The following ADCY1 variants were observed in gnomAD, a reference collection of about 807,000 sequenced individuals.
ADCY1 encodes adenylate cyclase 1, also known as adenylate cyclase type 1.
Under a neutral mutation model 105.4 loss-of-function variants are expected in ADCY1, and 28 were observed. The observed-to-expected ratio is 0.27, with a 90% CI of 0.20 to 0.36. The LOEUF is 0.36. Ranked by LOEUF, ADCY1 falls within the 10% of genes least tolerant of loss-of-function variation. The pLI is 1.00. For synonymous variants in ADCY1, 655 were observed against 623.8 expected, an observed-to-expected ratio of 1.05 and a Z score of -0.75; for missense variants, 977 against 1,434.2, an observed-to-expected ratio of 0.68 and a Z score of 5.15.
In ADCY1 at chr7:45,626,261, G is replaced by A. The variant is rs138556056; in HGVS notation, c.1020+3518G>A. 1.7e-3 allele frequency among the ~76,000 whole-genome samples: 260 copies of A among 152,328 alleles called. 1 individual carries two copies. Among genetic ancestry groups the A allele is most frequent in the African/African-American group, 5.5e-3 (230 of 41,584 alleles). On this transcript the variant is annotated intron_variant, in intron 4 of 19. Transcript: ENST00000297323. Reference sequence around the variant, plus strand: ...AAACAAGGAGTGGTCCACGGCCTCAGCGTGCCAGCCTCTGCTCTAAACCGT... The same window carrying A: ...AAACAAGGAGTGGTCCACGGCCTCAACGTGCCAGCCTCTGCTCTAAACCGT...
At chr7:45,622,242 C>G (rs570819990) in intron 3 of ADCY1, among the ~76,000 whole-genome samples, 42 of 152,186 alleles carry the variant, frequency 2.8e-4, no homozygotes, top group African/African-American at 8.9e-4. Flanking sequence ...GTGGAGGGGC[C>G]CACATGCTGA....
chr7:45,574,777 C>T lies in ADCY1; in HGVS notation c.234C>T (p.Ala78=). The change falls in exon 1 of 20, where the codon GCC becomes GCT. Residue 78 remains alanine (A), a synonymous_variant. Coordinates refer to ENST00000297323, the MANE Select transcript of ADCY1 (RefSeq NM_021116.4). This position sits in a 1 kb window ranked among gnomAD's most constrained non-coding sequence, Gnocchi z 7.0. ...LSLLAGALAL[A]ELLGAPGPAP... ...TGCTGGCGGGCGCGCTGGCGCTGGC[C>T]GAGCTGCTGGGCGCGCCGGGGCCCG... 6.7e-7 allele frequency: 1 copy of T among 1,493,620 alleles called. No individual in the cohort carries two copies. Among genetic ancestry groups the T allele is most frequent in the Non-Finnish European group, 8.9e-7 (1 of 1,128,606 alleles). The allele number at this position is 1,493,620 out of a possible 1,614,324, so 92.5% of individuals were successfully genotyped here.
intron 1 of ADCY1, among the ~76,000 whole-genome samples, chr7:45,583,977 T>C (rs1257300629): frequency 7.3e-6 from 1 of 136,702 alleles, no homozygotes; most frequent in Admixed American, 7.5e-5. Flanking sequence ...AGACAAAGTC[T>C]CTTTCTGTAG....
intron 3 of ADCY1, among the ~76,000 whole-genome samples, chr7:45,619,447 A>G (rs1793830539): frequency 6.6e-6 from 1 of 152,206 alleles, no homozygotes; most frequent in South Asian, 2.1e-4. Context: ...TGCATGTTGT[A>G]TACATATATT....
Position 45,710,493 on chromosome 7 carries a change from C to T in ADCY1, c.2933-35C>T, listed in dbSNP as rs777821706. 19 of 1,605,286 alleles carry T rather than the reference C, an allele frequency of 1.2e-5. No individual in the cohort carries two copies. Among genetic ancestry groups the T allele is most frequent in the Non-Finnish European group, 1.4e-5 (17 of 1,175,484 alleles). On this transcript the variant is annotated intron_variant, in intron 18 of 19. Transcript: ENST00000297323. This position sits in a 1 kb window ranked among gnomAD's most constrained non-coding sequence, Gnocchi z 4.7. ...CTGGTGGGGTGAGTTACACTTTTCC[C>T]GCTGATGACAGGTCATGCGCTGGCT...
chr7:45,711,236 C>G (rs922669751), intron 19 of ADCY1, among the ~76,000 whole-genome samples: 1 of 152,206 alleles, frequency 6.6e-6, no homozygotes, highest in African/African-American at 2.4e-5. Flanking sequence ...GGATGAAGCC[C>G]TTAAAACTAA....
intron 2 of ADCY1, among the ~76,000 whole-genome samples, chr7:45,593,544 G>A (rs1023259216): frequency 4.6e-5 from 7 of 152,180 alleles, no homozygotes; most frequent in African/African-American, 9.7e-5. Flanking sequence ...TGTCTGCTGC[G>A]CGGGGCCTGT....
intron 10 of ADCY1, among the ~76,000 whole-genome samples, chr7:45,679,491 C>T (rs921580305): frequency 6.6e-6 from 1 of 152,134 alleles, no homozygotes; most frequent in African/African-American, 2.4e-5. Flanking sequence ...TCAGGAGGGG[C>T]CCCCTTCTTA....
chr7:45,691,059 C>T (rs1382415939), intron 14 of ADCY1, among the ~76,000 whole-genome samples: 4 of 152,200 alleles, frequency 2.6e-5, no homozygotes. Context: ...TTGAGGGACA[C>T]TTCTGGGAGA....
chr7:45,703,567 T>A lies in ADCY1; in HGVS notation c.2572-33T>A. On this transcript the variant is annotated intron_variant, in intron 15 of 19. Transcript: ENST00000297323. The surrounding 1 kb of genome is among the most constrained non-coding windows in gnomAD (Gnocchi z 5.9). Reference sequence around the variant, plus strand: ...CCACCCCACTTGGCGCTCACCTGGCTGACCCTTCCTGACCCATCCTTTGAA... The same window carrying A: ...CCACCCCACTTGGCGCTCACCTGGCAGACCCTTCCTGACCCATCCTTTGAA... The A allele has an allele frequency of 6.2e-7, 1 of 1,610,274 alleles. No homozygotes were observed. Among genetic ancestry groups the A allele is most frequent in the East Asian group, 2.2e-5 (1 of 44,752 alleles).
chr7:45,644,909 G>C (rs1794619172), intron 4 of ADCY1, among the ~76,000 whole-genome samples: 1 of 152,186 alleles, frequency 6.6e-6, no homozygotes, highest in Non-Finnish European at 1.5e-5. Context: ...ACTAGTGCCA[G>C]CGTGGTGGAG....
At chr7:45,615,203 T>G (rs1371045784) in intron 3 of ADCY1, among the ~76,000 whole-genome samples, 4 of 152,166 alleles carry the variant, frequency 2.6e-5, no homozygotes, top group African/African-American at 9.7e-5. Context: ...AATTAGAAAT[T>G]AATGGCAGAA....
chr7:45,664,598 TC>T, intron 8 of ADCY1: 1 of 1,069,364 alleles, frequency 9.4e-7, no homozygotes, highest in Non-Finnish European at 1.2e-6. Flanking sequence ...AAAAAAGCTA[TC>T]ATGAACATTT....
intron 4 of ADCY1, among the ~76,000 whole-genome samples, chr7:45,636,873 A>C (rs1357755116): frequency 6.6e-6 from 1 of 152,100 alleles, no homozygotes; most frequent in Admixed American, 6.5e-5. Flanking sequence ...GTTTGTTCTT[A>C]GTTTTGCTTT....
rs1299819747 is a variant in ADCY1 at position 45,715,676 on chromosome 7, G to A, written c.*1681G>A. ...GGCCATGTGGGGGCAGCAGGGGCCT[G>A]GGCCATAGCTGGGGGAGGCCAGACC... On this transcript the variant is annotated 3_prime_UTR_variant, in exon 20 of 20. Coordinates refer to ENST00000297323, the MANE Select transcript of ADCY1 (RefSeq NM_021116.4). 1 of 152,572 alleles carries A rather than the reference G, an allele frequency of 6.6e-6. No individual in the cohort carries two copies. Among genetic ancestry groups the A allele is most frequent in the Non-Finnish European group, 1.5e-5 (1 of 68,344 alleles). The allele number at this position is 152,572 out of a possible 1,614,324, so 9.5% of individuals were successfully genotyped here.
intron 19 of ADCY1, among the ~76,000 whole-genome samples, chr7:45,711,776 C>T (rs1380325867): frequency 7.2e-6 from 1 of 138,164 alleles, no homozygotes; most frequent in African/African-American, 2.7e-5. Flanking sequence ...TGTATATATA[C>T]AGCATGAAGT....
intron 2 of ADCY1, among the ~76,000 whole-genome samples, chr7:45,604,107 A>G (rs1006721570): frequency 2.0e-5 from 3 of 152,196 alleles, no homozygotes; most frequent in African/African-American, 4.8e-5. Flanking sequence ...GAAGTTGCCT[A>G]TTTAGGTTAC....
At chr7:45,588,623 G>T (rs1562675381) in intron 1 of ADCY1, among the ~76,000 whole-genome samples, 2 of 151,702 alleles carry the variant, frequency 1.3e-5, no homozygotes. Flanking sequence ...TTCAGGTGGT[G>T]CACAGTCAAG....
chr7:45,575,988 G>A lies in ADCY1; in HGVS notation c.639+806G>A, dbSNP rs1477581799. Reference sequence around the variant, plus strand: ...ACCAGAGGTCTTTGCCCCACGGCGGGGCTTTGAGAGCTTCCCCTTGTGCCC... The same window carrying A: ...ACCAGAGGTCTTTGCCCCACGGCGGAGCTTTGAGAGCTTCCCCTTGTGCCC... On this transcript the variant is annotated intron_variant, in intron 1 of 19. Coordinates refer to ENST00000297323, the MANE Select transcript of ADCY1 (RefSeq NM_021116.4). This position sits in a 1 kb window ranked among gnomAD's most constrained non-coding sequence, Gnocchi z 4.7. 6.6e-6 allele frequency among the ~76,000 whole-genome samples: 1 copy of A among 152,240 alleles called. No homozygotes were observed. The highest frequency in any genetic ancestry group is 1.9e-4 in the East Asian group (1 of 5,178).
Sources: gnomAD v4.1 joint callset for allele counts (sites outside exome capture counted in the v4.1 genomes callset) on GRCh38, gnomAD v4.1.1 for gene constraint, Gnocchi (gnomAD v3.1) non-coding constraint, MANE v1.5 for transcripts, NCBI Gene and HGNC (gene_info 2026-07-23, HGNC 2026-07-21) for gene names.